The following NUDT3 variants were observed in gnomAD, a reference collection of about 807,000 sequenced individuals.
NUDT3 encodes the protein nudix hydrolase 3.
Under a neutral mutation model 23.6 loss-of-function variants are expected in NUDT3, and 9 were observed. The ratio of observed to expected loss-of-function variants is 0.38; its 90% CI spans 0.23 to 0.66. The LOEUF is 0.66. Among genes scored for constraint, NUDT3 ranks in the 30% least tolerant of loss-of-function variants. NUDT3 has a pLI of 0.52. For synonymous variants in NUDT3, 86 were observed against 82.6 expected (o/e 1.04, Z -0.22); for missense variants, 172 against 218.5 (o/e 0.79, Z 1.34).
intron 1 of NUDT3, among the ~76,000 whole-genome samples, chr6:34,371,975 T>C (rs1197654860): frequency 6.6e-6 from 1 of 152,218 alleles, no homozygotes. Flanking sequence ...TTCCCACCTA[T>C]AAGTGAGAAC....
intron 1 of NUDT3, among the ~76,000 whole-genome samples, chr6:34,349,266 G>C (rs1414759196): frequency 6.6e-6 from 1 of 152,100 alleles, no homozygotes; most frequent in Non-Finnish European, 1.5e-5. Context: ...AAATGATTAA[G>C]ACAGTAGGAG....
intron 2 of NUDT3, among the ~76,000 whole-genome samples, chr6:34,328,153 G>T (rs925924822): frequency 5.9e-5 from 9 of 152,000 alleles, no homozygotes; most frequent in African/African-American, 1.7e-4. Flanking sequence ...TCGGCACCTG[G>T]GTAATCTTCC....
intron 1 of NUDT3, among the ~76,000 whole-genome samples, chr6:34,389,913 G>C (rs997974264): frequency 6.6e-6 from 1 of 151,186 alleles, no homozygotes; most frequent in East Asian, 1.9e-4. Flanking sequence ...GCAGTGAGCC[G>C]AGATGGTGCC....
intron 1 of NUDT3, among the ~76,000 whole-genome samples, chr6:34,350,389 T>G (rs1244631490): frequency 6.6e-6 from 1 of 150,934 alleles, no homozygotes; most frequent in Admixed American, 6.6e-5. Flanking sequence ...ATGAGCCCTT[T>G]AAATAATTTA....
At position 34,280,638 on chromosome 6, in the gene NUDT3, A is replaced by T. The variant is rs1336584783; in HGVS notation, c.*8115T>A. On this transcript the variant is annotated 3_prime_UTR_variant, in exon 5 of 5. Coordinates refer to ENST00000607016, the MANE Select transcript of NUDT3 (RefSeq NM_006703.4). Reference sequence around the variant, plus strand: ...TCTATCCCTTTCTACAATTATGAACACACTCTCTAAACAGGAGATCTATAT... The same window carrying T: ...TCTATCCCTTTCTACAATTATGAACTCACTCTCTAAACAGGAGATCTATAT... The T allele has an allele frequency of 6.6e-6, 1 of 152,204 alleles. No individual in the cohort carries two copies. The highest frequency in any genetic ancestry group is 1.5e-5 in the Non-Finnish European group (1 of 68,028). 9.4% of individuals were successfully genotyped at this position (152,204 alleles called of 1,614,324 possible).
intron 1 of NUDT3, among the ~76,000 whole-genome samples, chr6:34,354,773 T>C (rs1231254210): frequency 7.0e-6 from 1 of 142,632 alleles, no homozygotes; most frequent in African/African-American, 2.5e-5. Context: ...TATATTTGTA[T>C]TTATTTTATA....
chr6:34,339,394 T>A (rs1371110931), intron 2 of NUDT3, among the ~76,000 whole-genome samples: 1 of 152,194 alleles, frequency 6.6e-6, no homozygotes, highest in African/African-American at 2.4e-5. Flanking sequence ...ACAAGATCCA[T>A]CAGGAGAAAT....
intron 1 of NUDT3, among the ~76,000 whole-genome samples, chr6:34,342,289 C>CAAAAAAAAAAAA (rs200954440): frequency 5.9e-4 from 39 of 66,486 alleles, no homozygotes; most frequent in South Asian, 9.2e-4. Context: ...TAGAAGACTT[C>CAAAAAAAAAAAA]AAAAAAAAAA....
At chr6:34,356,315 A>G (rs1764560624) in intron 1 of NUDT3, among the ~76,000 whole-genome samples, 1 of 152,216 alleles carries the variant, frequency 6.6e-6, no homozygotes, top group Non-Finnish European at 1.5e-5. Context: ...ATTGCCTTAT[A>G]GTTGTTCACA....
chr6:34,348,681 C>A (rs1419249166), intron 1 of NUDT3, among the ~76,000 whole-genome samples: 1 of 151,898 alleles, frequency 6.6e-6, no homozygotes, highest in Admixed American at 6.6e-5. Flanking sequence ...GAGGCTGAGG[C>A]AGGAGAATGG....
At chr6:34,340,649 C>T (rs1369509266) in intron 2 of NUDT3, among the ~76,000 whole-genome samples, 1 of 152,226 alleles carries the variant, frequency 6.6e-6, no homozygotes, top group African/African-American at 2.4e-5. Context: ...ATGTTTATCA[C>T]TTTCTATACT....
At chr6:34,321,188 A>C (rs1267779337) in intron 2 of NUDT3, among the ~76,000 whole-genome samples, 1 of 152,148 alleles carries the variant, frequency 6.6e-6, no homozygotes, top group Non-Finnish European at 1.5e-5. Context: ...ATGTGAACCT[A>C]GCACTCTGGG....
intron 1 of NUDT3, among the ~76,000 whole-genome samples, chr6:34,351,217 AAAAAAAAAAC>A (rs1764468068): frequency 7.3e-6 from 1 of 136,332 alleles, no homozygotes; most frequent in African/African-American, 2.9e-5. Flanking sequence ...AAAAAAAAAA[AAAAAAAAAAC>A]ACTTTGGGAG....
At position 34,350,569 on chromosome 6, in the gene NUDT3, TGA is replaced by T. The variant is rs1179185861; in HGVS notation, c.100-8599_100-8598del. On this transcript the variant is annotated intron_variant, in intron 1 of 4. Transcript: ENST00000607016. ...AAAATGTTTAAAAGATGAGTAAAGC[TGA>T]GTATGAGGTTAAATAACTTGCTGAA... Among the ~76,000 whole-genome samples the T allele has an allele frequency of 1.1e-4, 16 of 151,056 alleles. 3 individuals carry two copies. The highest frequency in any genetic ancestry group is 3.7e-4 in the African/African-American group (15 of 40,638).
At chr6:34,296,913 G>C (rs1308096807) in intron 2 of NUDT3, among the ~76,000 whole-genome samples, 1 of 151,432 alleles carries the variant, frequency 6.6e-6, no homozygotes, top group Admixed American at 6.6e-5. Flanking sequence ...GGCAGGAAGA[G>C]GGATAACTTC....
At chr6:34,362,646 A>C (rs888726364) in intron 1 of NUDT3, among the ~76,000 whole-genome samples, 25 of 151,960 alleles carry the variant, frequency 1.6e-4, no homozygotes, top group African/African-American at 5.6e-4. Context: ...AGTAGAGACG[A>C]GGTTTCACAA....
intron 2 of NUDT3, among the ~76,000 whole-genome samples, chr6:34,325,456 C>T (rs1764011219): frequency 1.3e-5 from 2 of 152,298 alleles, no homozygotes; most frequent in South Asian, 4.1e-4. Flanking sequence ...AGTGATCCTC[C>T]CACCTGGGCT....
At chr6:34,355,592 A>C (rs1764549129) in intron 1 of NUDT3, among the ~76,000 whole-genome samples, 1 of 147,800 alleles carries the variant, frequency 6.8e-6, no homozygotes. Flanking sequence ...TACTTCTTTT[A>C]TTTTCTAAAA....
intron 1 of NUDT3, among the ~76,000 whole-genome samples, chr6:34,360,908 A>C (rs1008569098): frequency 6.6e-6 from 1 of 152,218 alleles, no homozygotes; most frequent in African/African-American, 2.4e-5. Context: ...AAAGATGTGA[A>C]CAGACACCTC....
Sources: gnomAD v4.1 joint callset for allele counts (sites outside exome capture counted in the v4.1 genomes callset) on GRCh38, gnomAD v4.1.1 for gene constraint, MANE v1.5 for transcripts, NCBI Gene and HGNC (gene_info 2026-07-23, HGNC 2026-07-21) for gene names.